The following TEX11 variants were observed in gnomAD, a reference collection of about 807,000 sequenced individuals.
TEX11 encodes the protein testis expressed 11.
A neutral mutation model predicts 84.4 loss-of-function variants in TEX11; 7 were observed. The ratio of observed to expected loss-of-function variants is 0.08; its 90% CI spans 0.05 to 0.16. The LOEUF (loss-of-function observed/expected upper bound fraction) is 0.16, where lower values mean the gene tolerates loss of function less well. Ranked by LOEUF, TEX11 falls within the 10% of genes least tolerant of loss-of-function variation. TEX11 has a pLI of 1.00. For missense variants in TEX11, 551 were observed against 660.5 expected, an observed-to-expected ratio of 0.83 and a Z score of 1.82; for synonymous variants, 264 against 222.8, an observed-to-expected ratio of 1.18 and a Z score of -1.64.
chrX:70,817,198 T>TAC (rs1192262539), intron 8 of TEX11, among the ~76,000 whole-genome samples: 2 of 104,662 alleles, frequency 1.9e-5, no homozygotes, highest in African/African-American at 3.5e-5. Context: ...TATATATACA[T>TAC]ACACACACAC....
chrX:70,687,084 A>T (rs977675635), intron 13 of TEX11, among the ~76,000 whole-genome samples: 1 of 111,495 alleles, frequency 9.0e-6, no homozygotes, highest in African/African-American at 3.3e-5. Flanking sequence ...AATGTAATGA[A>T]CCTACACATC....
At chrX:70,600,384 A>G (rs990186433) in intron 24 of TEX11, among the ~76,000 whole-genome samples, 1 of 111,290 alleles carries the variant, frequency 9.0e-6, no homozygotes. Context: ...TGAGTGACCT[A>G]CAAAGAGACT....
At chrX:70,781,414 A>G (rs978183785) in intron 9 of TEX11, among the ~76,000 whole-genome samples, 2 of 112,041 alleles carry the variant, frequency 1.8e-5, no homozygotes, top group Non-Finnish European at 3.8e-5. Flanking sequence ...CTTCTCCTCC[A>G]AAGGATCACA....
chrX:70,675,539 C>CTTTTCTTTTTCT (rs375184132), intron 15 of TEX11, among the ~76,000 whole-genome samples: 1 of 109,037 alleles, frequency 9.2e-6, no homozygotes, highest in African/African-American at 3.4e-5. Context: ...ACCTTTCTTT[C>CTTTTCTTTTTCT]TTTTCTTTTT....
chrX:70,602,176 C>A (rs1449615629), intron 24 of TEX11, among the ~76,000 whole-genome samples: 9 of 111,936 alleles, frequency 8.0e-5, no homozygotes, highest in South Asian at 7.6e-4. Flanking sequence ...CTGACCCCCC[C>A]ACCTCCCTCC....
intron 7 of TEX11, among the ~76,000 whole-genome samples, chrX:70,845,344 T>C (rs1240603515): frequency 9.1e-6 from 1 of 109,297 alleles, no homozygotes; most frequent in East Asian, 3.0e-4. Flanking sequence ...ATATTTTTAG[T>C]AGAGACGGGG....
At position 70,907,218 on chromosome X, in the gene TEX11, G is replaced by A. The variant is rs2091838410; in HGVS notation, c.37+535C>T. ...AATAGATTTATCTTCCAGATTAAACGTTTTATTTTGCATGCCATAAAAATC... is the reference window on the plus strand; with the variant it reads ...AATAGATTTATCTTCCAGATTAAACATTTTATTTTGCATGCCATAAAAATC... On this transcript the variant is annotated intron_variant, in intron 2 of 29. Transcript: ENST00000374333. Among the ~76,000 whole-genome samples the A allele has an allele frequency of 3.6e-5, 4 of 109,837 alleles. No homozygotes were observed. The Admixed American group carries it at 3.9e-4, about 11-fold the overall frequency.
intron 7 of TEX11, among the ~76,000 whole-genome samples, chrX:70,839,195 C>G: frequency 9.3e-6 from 1 of 107,700 alleles, no homozygotes; most frequent in East Asian, 3.0e-4. Flanking sequence ...ACTGCCTCCT[C>G]AAGTGGGTCC....
At chrX:70,818,585 T>A (rs1001744951) in intron 8 of TEX11, among the ~76,000 whole-genome samples, 5 of 110,767 alleles carry the variant, frequency 4.5e-5, no homozygotes, top group African/African-American at 1.6e-4. Context: ...GGACCTCAGC[T>A]GCTGGAGCCA....
At chrX:70,633,779 G>T (rs377213555) in intron 17 of TEX11, among the ~76,000 whole-genome samples, 1 of 110,837 alleles carries the variant, frequency 9.0e-6, no homozygotes, top group East Asian at 2.8e-4. Context: ...TTAGCCAGGC[G>T]TGGTGGTGCA....
At chrX:70,775,499 AT>A (rs997420704) in intron 9 of TEX11, among the ~76,000 whole-genome samples, 6 of 110,888 alleles carry the variant, frequency 5.4e-5, no homozygotes, top group East Asian at 2.8e-4. Context: ...ATTAAAAAAA[AT>A]CTCATTAAAA....
intron 9 of TEX11, among the ~76,000 whole-genome samples, chrX:70,760,675 A>G (rs778823526): frequency 8.9e-6 from 1 of 112,036 alleles, no homozygotes; most frequent in South Asian, 3.7e-4. Flanking sequence ...AACCTAGGCA[A>G]TACCATTCAG....
intron 8 of TEX11, among the ~76,000 whole-genome samples, chrX:70,817,520 C>A (rs1340798779): frequency 9.0e-6 from 1 of 111,688 alleles, no homozygotes; most frequent in East Asian, 2.8e-4. Flanking sequence ...CTGCAGTGAG[C>A]TAAAAATACA....
intron 24 of TEX11, among the ~76,000 whole-genome samples, chrX:70,595,849 GA>G (rs1305848271): frequency 9.0e-6 from 1 of 111,299 alleles, no homozygotes; most frequent in African/African-American, 3.3e-5. Flanking sequence ...TTATCATATT[GA>G]AACAAAGATG....
At position 70,725,310 on chromosome X, in the gene TEX11, T is replaced by A; in HGVS notation, c.877A>T (p.Met293Leu). The A allele has an allele frequency of 1.7e-6, 2 of 1,198,939 alleles. No homozygotes were observed. Among genetic ancestry groups the A allele is most frequent in the Non-Finnish European group, 2.3e-6 (2 of 886,046 alleles). ...GTTTCGCCTTTCAAGAGGATTTTCA[T>A]TTTTAAGAAAAGCCCAGGAGAACTT... ...HLSSPGLFLKMKILLKGETSN... is the reference protein window; with the variant it reads ...HLSSPGLFLKLKILLKGETSN... The change falls in exon 12 of 30, where the codon ATG becomes TTG. Residue 293 changes from methionine (M) to leucine (L), a missense_variant. Physicochemically the swap from Met to Leu is conservative, Grantham distance 15. Coordinates refer to ENST00000374333, the MANE Select transcript of TEX11 (RefSeq NM_031276.3).
At position 70,881,025 on chromosome X, in the gene TEX11, A is replaced by G. The variant is rs1602207225; in HGVS notation, c.38-916T>C. On this transcript the variant is annotated intron_variant, in intron 2 of 29. Transcript: ENST00000374333. ...TCATCCAAAAAAAAAAAAAAAAAAA[A>G]AAAAACTAAAACTAAAACTAGACCG... 2.8e-5 allele frequency among the ~76,000 whole-genome samples: 3 copies of G among 106,118 alleles called. No individual in the cohort carries two copies. In the East Asian group the frequency reaches 8.7e-4, roughly 31 times the overall value. 92.2% of individuals were successfully genotyped at this position (106,118 alleles called of 115,157 possible). A position where few individuals can be genotyped will look rare whatever the true frequency, so the allele number is the denominator to read the frequency against.
intron 13 of TEX11, among the ~76,000 whole-genome samples, chrX:70,718,223 T>C (rs759352844): frequency 8.9e-6 from 1 of 112,469 alleles, no homozygotes; most frequent in Non-Finnish European, 1.9e-5. Flanking sequence ...CAATTTGTAG[T>C]TCTTTACTGA....
intron 17 of TEX11, among the ~76,000 whole-genome samples, chrX:70,639,072 G>A (rs762429427): frequency 6.3e-5 from 7 of 111,119 alleles, no homozygotes; most frequent in Non-Finnish European, 1.1e-4. Flanking sequence ...TGCGCTAGCC[G>A]AAGCAGGGCG....
At chrX:70,603,659 A>G (rs1262822718) in intron 24 of TEX11, among the ~76,000 whole-genome samples, 10 of 111,840 alleles carry the variant, frequency 8.9e-5, no homozygotes, top group Non-Finnish European at 1.7e-4. Flanking sequence ...CTTCATGTCT[A>G]AAACACCAAA....
Sources: allele counts gnomAD v4.1 joint callset (sites outside exome capture counted in the v4.1 genomes callset), GRCh38; gene constraint gnomAD v4.1.1; transcripts MANE v1.5; gene names NCBI Gene and HGNC (gene_info 2026-07-23, HGNC 2026-07-21).